DLGAP1: variants seen among roughly 807,000 people sequenced by gnomAD.
DLGAP1 encodes disks large-associated protein 1.
Under a neutral mutation model 90.8 loss-of-function variants are expected in DLGAP1, and 11 were observed. That is an observed-to-expected ratio of 0.12 (90% CI 0.08 to 0.20). The LOEUF (loss-of-function observed/expected upper bound fraction) is 0.20. Among genes scored for constraint, DLGAP1 ranks in the 10% least tolerant of loss-of-function variants. The pLI is 1.00. For missense variants in DLGAP1, 1,050 were observed against 1,333.8 expected, an observed-to-expected ratio of 0.79 and a Z score of 3.31; for synonymous variants, 558 against 540.7, an observed-to-expected ratio of 1.03 and a Z score of -0.44.
At chr18:3,557,769 A>T (rs1321739766) in intron 9 of DLGAP1, among the ~76,000 whole-genome samples, 8 of 152,146 alleles carry the variant, frequency 5.3e-5, no homozygotes, top group Non-Finnish European at 8.8e-5. Flanking sequence ...TCTACTAAAA[A>T]TACAAAAATC....
intron 5 of DLGAP1, among the ~76,000 whole-genome samples, chr18:3,771,968 G>A (rs1225389451): frequency 6.6e-6 from 1 of 152,144 alleles, no homozygotes; most frequent in Non-Finnish European, 1.5e-5. Context: ...AGCTGCAAGT[G>A]GTGAAGCTTA....
intron 3 of DLGAP1, among the ~76,000 whole-genome samples, chr18:3,953,896 G>T (rs1208239714): frequency 6.6e-6 from 1 of 152,170 alleles, no homozygotes; most frequent in Non-Finnish European, 1.5e-5. Flanking sequence ...AGTAAGATGG[G>T]AAAAAATGGC....
chr18:3,804,042 A>T (rs1476115556), intron 5 of DLGAP1, among the ~76,000 whole-genome samples: 1 of 144,932 alleles, frequency 6.9e-6, no homozygotes, highest in African/African-American at 2.6e-5. Context: ...CGGCCAGGCT[A>T]GGGTACAGTG....
At chr18:4,343,135 G>A (rs942501003) in intron 1 of DLGAP1, among the ~76,000 whole-genome samples, 7 of 151,804 alleles carry the variant, frequency 4.6e-5, no homozygotes, top group Admixed American at 1.3e-4. Flanking sequence ...GTGAAACTCC[G>A]TCTCTACTAA....
At chr18:3,835,929 C>T (rs910684603) in intron 4 of DLGAP1, among the ~76,000 whole-genome samples, 1 of 152,062 alleles carries the variant, frequency 6.6e-6, no homozygotes, top group East Asian at 1.9e-4. Context: ...GTGGGAGGCA[C>T]AGTTGTTATA....
At chr18:3,991,093 G>A (rs1422992786) in intron 3 of DLGAP1, among the ~76,000 whole-genome samples, 2 of 151,768 alleles carry the variant, frequency 1.3e-5, no homozygotes, top group African/African-American at 2.4e-5. Context: ...TGTCACCCAG[G>A]TAATCAGCAT....
rs910501477 is a variant in DLGAP1, at chr18:4,342,647, T to C, written c.-267+112359A>G. 3.9e-5 allele frequency among the ~76,000 whole-genome samples: 6 copies of C among 152,070 alleles called. No homozygotes were observed. Among genetic ancestry groups the C allele is most frequent in the Non-Finnish European group, 8.8e-5 (6 of 68,030 alleles). ...GAAATTAGCTCTATTGAAAATGTATTTGTTTTGGTTTTGGTTAATACTACA... is the reference window on the plus strand; with the variant it reads ...GAAATTAGCTCTATTGAAAATGTATCTGTTTTGGTTTTGGTTAATACTACA... On this transcript the variant is annotated intron_variant, in intron 1 of 12. Coordinates refer to ENST00000315677, the MANE Select transcript of DLGAP1 (RefSeq NM_004746.4). This position sits in a 1 kb window ranked among gnomAD's most constrained non-coding sequence, Gnocchi z 5.8.
At chr18:4,205,703 G>A (rs2077707151) in intron 1 of DLGAP1, among the ~76,000 whole-genome samples, 1 of 152,156 alleles carries the variant, frequency 6.6e-6, no homozygotes, top group African/African-American at 2.4e-5. Flanking sequence ...TTCCTCAGAG[G>A]CACTAGCCAC....
chr18:4,008,930 G>C (rs1054178219), intron 2 of DLGAP1, among the ~76,000 whole-genome samples: 1 of 151,964 alleles, frequency 6.6e-6, no homozygotes, highest in Admixed American at 6.6e-5. Context: ...TTGAAACGGA[G>C]TCTCGCTCCG....
chr18:4,280,755 C>T (rs2079530862), intron 1 of DLGAP1: 1 of 152,188 alleles, frequency 6.6e-6, no homozygotes, highest in Non-Finnish European at 1.5e-5. Flanking sequence ...ATCTTACCTT[C>T]CCAATTATGA....
intron 5 of DLGAP1, among the ~76,000 whole-genome samples, chr18:3,748,895 G>A (rs2147782860): frequency 6.6e-6 from 1 of 152,240 alleles, no homozygotes; most frequent in East Asian, 1.9e-4. Flanking sequence ...GTATAGAAAT[G>A]TAACTTTCAT....
intron 7 of DLGAP1, among the ~76,000 whole-genome samples, chr18:3,634,536 C>G (rs1329898791): frequency 6.6e-6 from 1 of 151,888 alleles, no homozygotes; most frequent in Non-Finnish European, 1.5e-5. Flanking sequence ...TGTGTAATGC[C>G]CTGACATTAT....
At chr18:4,338,995 T>G (rs1468392819) in intron 1 of DLGAP1, among the ~76,000 whole-genome samples, 1 of 152,172 alleles carries the variant, frequency 6.6e-6, no homozygotes, top group East Asian at 1.9e-4. Context: ...GTCCAACTGA[T>G]GGGGACAAAA....
At chr18:3,628,272 C>G (rs1331425679) in intron 7 of DLGAP1, among the ~76,000 whole-genome samples, 1 of 150,908 alleles carries the variant, frequency 6.6e-6, no homozygotes, top group Admixed American at 6.6e-5. Flanking sequence ...TCGCTGTAAC[C>G]TCTGCCTCCC....
chr18:4,183,642 AG>A (rs2077244430), intron 1 of DLGAP1, among the ~76,000 whole-genome samples: 1 of 152,032 alleles, frequency 6.6e-6, no homozygotes, highest in African/African-American at 2.4e-5. Context: ...TCCTCTGGAA[AG>A]GGAAGAGTCA....
intron 11 of DLGAP1, among the ~76,000 whole-genome samples, chr18:3,507,140 T>G (rs1364281471): frequency 6.6e-6 from 1 of 152,078 alleles, no homozygotes; most frequent in Non-Finnish European, 1.5e-5. Context: ...TTGATCCCTG[T>G]CTACATAAAT....
At position 4,056,620 on chromosome 18, in the gene DLGAP1, T is replaced by C. The variant is rs577705614; in HGVS notation, c.-158-51419A>G. Among the ~76,000 whole-genome samples the C allele has an allele frequency of 7.2e-5, 11 of 152,300 alleles. No homozygotes were observed. In the South Asian group the frequency reaches 2.3e-3, roughly 32 times the overall value. On this transcript the variant is annotated intron_variant, in intron 2 of 12. Coordinates refer to ENST00000315677, the MANE Select transcript of DLGAP1 (RefSeq NM_004746.4). The stretch of plus-strand genomic sequence containing the variant: ...AACCTCAAAAGTCAAGGACTGTTAC[T>C]TCATCACTGAAACCAAAGTAAGTCC...
At chr18:3,512,764 CCA>C (rs994187596) in intron 10 of DLGAP1, among the ~76,000 whole-genome samples, 11 of 152,212 alleles carry the variant, frequency 7.2e-5, no homozygotes, top group Non-Finnish European at 1.5e-4. Context: ...TCTTCTGACC[CCA>C]GTCTATTTGG....
intron 1 of DLGAP1, among the ~76,000 whole-genome samples, chr18:4,295,832 T>C (rs1201013171): frequency 6.6e-6 from 1 of 152,216 alleles, no homozygotes; most frequent in East Asian, 1.9e-4. Context: ...TTAGTTATTA[T>C]CATCTTATTG....
Sources: gnomAD v4.1 joint callset for allele counts (sites outside exome capture counted in the v4.1 genomes callset) on GRCh38, gnomAD v4.1.1 for gene constraint, Gnocchi (gnomAD v3.1) non-coding constraint, MANE v1.5 for transcripts, NCBI Gene and HGNC (gene_info 2026-07-23, HGNC 2026-07-21) for gene names.